PALM2AKAP2: variants seen among roughly 807,000 people sequenced by gnomAD.
The protein encoded by PALM2AKAP2 is PALM2 and AKAP2 fusion.
PALM2AKAP2 carries 37 observed loss-of-function variants against 71.5 expected under a neutral mutation model. The observed-to-expected ratio is 0.52, with a 90% confidence interval of 0.40 to 0.68. The LOEUF is 0.68. Among genes scored for constraint, PALM2AKAP2 ranks in the 30% least tolerant of loss-of-function variants. The pLI is 0.00. For missense variants in PALM2AKAP2, 1,224 were observed against 1,191.8 expected (o/e 1.03, Z -0.40); for synonymous variants, 468 against 478.8 (o/e 0.98, Z 0.29).
intron 1 of PALM2AKAP2, among the ~76,000 whole-genome samples, chr9:110,067,160 G>C (rs963364224): frequency 6.6e-6 from 1 of 152,066 alleles, no homozygotes; most frequent in Non-Finnish European, 1.5e-5. Context: ...GCAGATTACC[G>C]AGAGTAGGAT....
chr9:110,165,325 C>CACAT (rs1223949236), intron 3 of PALM2AKAP2, among the ~76,000 whole-genome samples: 1 of 137,832 alleles, frequency 7.3e-6, no homozygotes, highest in Non-Finnish European at 1.6e-5. Flanking sequence ...CACACACACA[C>CACAT]ACACGTCTGA....
chr9:109,986,011 A>G (rs1832371626), intron 6 of PALM2AKAP2, among the ~76,000 whole-genome samples: 1 of 152,110 alleles, frequency 6.6e-6, no homozygotes, highest in African/African-American at 2.4e-5. Flanking sequence ...TTCTCACCTC[A>G]TTAAACTGGC....
At chr9:110,140,410 T>C (rs947546229) in intron 2 of PALM2AKAP2, among the ~76,000 whole-genome samples, 1 of 152,218 alleles carries the variant, frequency 6.6e-6, no homozygotes, top group Non-Finnish European at 1.5e-5. Flanking sequence ...AGCACTAGTT[T>C]CTGATGATGG....
intron 6 of PALM2AKAP2, among the ~76,000 whole-genome samples, chr9:110,004,647 C>T (rs554754796): frequency 3.3e-5 from 5 of 152,300 alleles, no homozygotes; most frequent in Non-Finnish European, 1.5e-5. Context: ...TTCCATTCTC[C>T]CTGTCACTTT....
chr9:109,941,572 T>A lies in PALM2AKAP2; in HGVS notation c.496+9544T>A, dbSNP rs58590367. On this transcript the variant is annotated intron_variant, in intron 6 of 9. Transcript: ENST00000302798. ...TTTTGATAGAAGAAGCTGGAGTCAGTTTGGAAGCTGCTGAGTTTGATGGGT... is the reference window on the plus strand; with the variant it reads ...TTTTGATAGAAGAAGCTGGAGTCAGATTGGAAGCTGCTGAGTTTGATGGGT... Among the ~76,000 whole-genome samples, 632 of 152,224 alleles carry A rather than the reference T, an allele frequency of 4.2e-3. 7 individuals are homozygous for A. Among genetic ancestry groups the A allele is most frequent in the African/African-American group, 0.015 (618 of 41,534 alleles).
rs184286528 is a variant in PALM2AKAP2, at chr9:109,899,774, C to T, written c.257+19093C>T. On this transcript the variant is annotated intron_variant, in intron 3 of 9. Coordinates refer to the PALM2AKAP2 transcript ENST00000302798. ...GATCTACTGTCCCTTCTCCAAGGAACGTTCTTCAGCTGCTCTTTATGTGGT... is the reference window on the plus strand; with the variant it reads ...GATCTACTGTCCCTTCTCCAAGGAATGTTCTTCAGCTGCTCTTTATGTGGT... Among the ~76,000 whole-genome samples the T allele has an allele frequency of 2.2e-3, 333 of 152,304 alleles. 2 individuals are homozygous for T. The highest frequency in any genetic ancestry group is 7.5e-3 in the African/African-American group (312 of 41,558).
At chr9:109,788,732 G>T (rs938816556) in intron 1 of PALM2AKAP2, among the ~76,000 whole-genome samples, 2 of 152,210 alleles carry the variant, frequency 1.3e-5, no homozygotes, top group Non-Finnish European at 2.9e-5. Context: ...AGAATAAAAG[G>T]CCAAATTTAG....
intron 6 of PALM2AKAP2, among the ~76,000 whole-genome samples, chr9:109,985,415 G>A (rs1832354094): frequency 6.6e-6 from 1 of 151,486 alleles, no homozygotes; most frequent in Non-Finnish European, 1.5e-5. Context: ...GTCAGGAGAT[G>A]GAGACCATCC....
At chr9:109,670,196 T>C (rs1482109622) in intron 1 of PALM2AKAP2, among the ~76,000 whole-genome samples, 2 of 152,154 alleles carry the variant, frequency 1.3e-5, no homozygotes, top group Non-Finnish European at 2.9e-5. Flanking sequence ...GAGTTTGTTG[T>C]ACAGATTATT....
rs188892454 is a variant in PALM2AKAP2 at position 109,838,739 on chromosome 9, C to T, written c.46-28752C>T. Among the ~76,000 whole-genome samples, 17 of 152,288 alleles carry T rather than the reference C, an allele frequency of 1.1e-4. No individual in the cohort carries two copies. The East Asian group carries it at 2.5e-3, about 22-fold the overall frequency. ...AAATACAAACTACCATCAGAGAATA[C>T]TATAAACACCTCTACACAAATAAAC... On this transcript the variant is annotated intron_variant, in intron 1 of 9. Coordinates refer to the PALM2AKAP2 transcript ENST00000302798.
rs529547981 is a variant in PALM2AKAP2 at position 109,738,516 on chromosome 9, G to A, written c.6-41972G>A. Reference sequence around the variant, plus strand: ...CAGGATAAAAGATCAATATAAAAACGTCTATTTCTATACACTAGCAATGGA... The same window carrying A: ...CAGGATAAAAGATCAATATAAAAACATCTATTTCTATACACTAGCAATGGA... On this transcript the variant is annotated intron_variant, in intron 1 of 6. Transcript: ENST00000374531. Among the ~76,000 whole-genome samples, 137 of 152,224 alleles carry A rather than the reference G, an allele frequency of 9.0e-4. 2 individuals are homozygous for A. The South Asian group carries it at 0.025, about 28-fold the overall frequency.
At chr9:109,762,303 C>CT (rs1587898079) in intron 1 of PALM2AKAP2, among the ~76,000 whole-genome samples, 1 of 151,872 alleles carries the variant, frequency 6.6e-6, no homozygotes, top group East Asian at 2.0e-4. Flanking sequence ...AATGGCTCCT[C>CT]TTTTGGCAAT....
chr9:109,742,236 G>A (rs1256427190), intron 1 of PALM2AKAP2, among the ~76,000 whole-genome samples: 1 of 149,464 alleles, frequency 6.7e-6, no homozygotes, highest in Non-Finnish European at 1.5e-5. Context: ...GTACAAATGA[G>A]TACATGTGAT....
At chr9:109,679,936 G>A (rs1476786421) in intron 1 of PALM2AKAP2, among the ~76,000 whole-genome samples, 1 of 152,152 alleles carries the variant, frequency 6.6e-6, no homozygotes, top group East Asian at 1.9e-4. Context: ...GTGTGACTTG[G>A]TAAATTACCT....
At chr9:110,089,878 A>T (rs1467730712) in intron 1 of PALM2AKAP2, among the ~76,000 whole-genome samples, 2 of 152,182 alleles carry the variant, frequency 1.3e-5, no homozygotes, top group Non-Finnish European at 2.9e-5. Context: ...TCACTTTCTG[A>T]TGTTTACATT....
intron 3 of PALM2AKAP2, among the ~76,000 whole-genome samples, chr9:109,919,698 A>C (rs1337414066): frequency 1.3e-5 from 2 of 151,510 alleles, no homozygotes; most frequent in African/African-American, 4.9e-5. Flanking sequence ...TGGGATATAT[A>C]TTAGTAGGAT....
chr9:109,863,951 A>G (rs2131678918), intron 1 of PALM2AKAP2, among the ~76,000 whole-genome samples: 1 of 152,220 alleles, frequency 6.6e-6, no homozygotes, highest in South Asian at 2.1e-4. Flanking sequence ...GTGGTGACAC[A>G]CACCTGTAAT....
At chr9:109,735,511 C>G (rs1273517323) in intron 1 of PALM2AKAP2, among the ~76,000 whole-genome samples, 1 of 152,124 alleles carries the variant, frequency 6.6e-6, no homozygotes, top group East Asian at 1.9e-4. Flanking sequence ...TAACTTTAAT[C>G]TTCAATGCTA....
intron 1 of PALM2AKAP2, among the ~76,000 whole-genome samples, chr9:109,821,685 C>G (rs76377228): frequency 1.3e-3 from 205 of 152,260 alleles, no homozygotes; most frequent in African/African-American, 4.8e-3. Context: ...CAAGGTGGCT[C>G]CCCCTGTGTC....
Sources: gnomAD v4.1 joint callset for allele counts (sites outside exome capture counted in the v4.1 genomes callset) on GRCh38, gnomAD v4.1.1 for gene constraint, MANE v1.5 for transcripts, NCBI Gene and HGNC (gene_info 2026-07-23, HGNC 2026-07-21) for gene names.